CHAT: variants seen among roughly 807,000 people sequenced by gnomAD.
The protein encoded by CHAT is choline O-acetyltransferase.
A neutral mutation model predicts 76.9 loss-of-function variants in CHAT; 61 were observed. The observed-to-expected ratio is 0.79, with a 90% CI of 0.65 to 0.98. The LOEUF (loss-of-function observed/expected upper bound fraction) is 0.98, where lower values mean the gene tolerates loss of function less well. Among genes scored for constraint, CHAT ranks in the 50% least tolerant of loss-of-function variants. The pLI is 0.00. For synonymous variants in CHAT, 407 were observed against 397.4 expected (o/e 1.02, Z -0.29); for missense variants, 946 against 986.9 (o/e 0.96, Z 0.56).
In CHAT at chr10:49,648,624, G is replaced by A. The variant is rs1839761588; in HGVS notation, c.1382+17G>A. Reference sequence around the variant, plus strand: ...CAAGCACGTGTGAGTCTGGATCCCAGGGCTGCCATGCTGGGCCCAAAAAAA... The same window carrying A: ...CAAGCACGTGTGAGTCTGGATCCCAAGGCTGCCATGCTGGGCCCAAAAAAA... On this transcript the variant is annotated intron_variant, in intron 9 of 14. Coordinates refer to ENST00000337653, the MANE Select transcript of CHAT (RefSeq NM_020549.5). 6.3e-7 allele frequency: 1 copy of A among 1,578,222 alleles called. No individual in the cohort carries two copies. Among genetic ancestry groups the A allele is most frequent in the South Asian group, 1.1e-5 (1 of 89,476 alleles).
At chr10:49,632,342 C>G (rs1025172603) in intron 7 of CHAT, among the ~76,000 whole-genome samples, 1 of 152,066 alleles carries the variant, frequency 6.6e-6, no homozygotes, top group Non-Finnish European at 1.5e-5. Context: ...AGCCAGGGAG[C>G]CCCCAGGGTG....
At position 49,614,383 on chromosome 10, in the gene CHAT, C is replaced by A; in HGVS notation, c.194C>A (p.Thr65Lys). 6.5e-7 allele frequency: 1 copy of A among 1,544,350 alleles called. No homozygotes were observed. ...PGCSPHPRAA[T>K]RPPPLPAHTP... ...TGCAGCCCCCACCCCCGCGCTGCGA[C>A]ACGCCCCCCACCCCTTCCGGCTCAC... Residue 65 changes from threonine to lysine, a missense_variant, in exon 1 of 15, where the codon ACA becomes AAA. By Grantham distance (78) the Thr-to-Lys change is moderately conservative (BLOSUM62 -1). This residue lies in a region of CHAT where 548 missense variants were observed against 516.2 expected (regional missense o/e 1.06). Transcript: ENST00000337653.
chr10:49,644,258 A>T (rs1182005877), intron 7 of CHAT, among the ~76,000 whole-genome samples: 1 of 152,194 alleles, frequency 6.6e-6, no homozygotes, highest in Non-Finnish European at 1.5e-5. Context: ...AGGGAGGGGC[A>T]GGAGGTTGTC....
upstream of CHAT, chr10:49,611,619 G>C (rs756271514): frequency 1.2e-6 from 2 of 1,611,506 alleles, no homozygotes; most frequent in East Asian, 4.5e-5. Context: ...ACATTGCCGT[G>C]GTGGCCGGCG....
rs1564477302 is a variant in CHAT at position 49,627,758 on chromosome 10, G to T, written c.1084G>T (p.Ala362Ser). The T allele has an allele frequency of 1.9e-6, 3 of 1,613,948 alleles. No homozygotes were observed. The highest frequency in any genetic ancestry group is 4.5e-5 in the East Asian group (2 of 44,884). The change falls in exon 7 of 15, where the codon GCC becomes TCC. Residue 362 changes from alanine to serine, a missense_variant. This residue lies in a region of CHAT where 548 missense variants were observed against 516.2 expected (regional missense o/e 1.06). Transcript: ENST00000337653. The part of the protein sequence containing the change: ...LLTSDGRSEW[A>S]EARTVLVKDS... ...GACGTCTGACGGGAGGAGCGAGTGG[G>T]CCGAGGCCAGGACGGTCCTCGTGAA...
chr10:49,613,605 T>C (rs1200598940), upstream of CHAT, among the ~76,000 whole-genome samples: 1 of 152,084 alleles, frequency 6.6e-6, no homozygotes, highest in Non-Finnish European at 1.5e-5. Context: ...GATCTGCGAG[T>C]CGGGCTGTGT....
At chr10:49,657,924 C>T (rs769503192) in intron 13 of CHAT, among the ~76,000 whole-genome samples, 9 of 152,152 alleles carry the variant, frequency 5.9e-5, no homozygotes, top group Admixed American at 2.0e-4. Flanking sequence ...ACAGTGAAGC[C>T]CCCAGGTTAA....
rs1414361009 is a variant in CHAT at position 49,625,519 on chromosome 10, C to A, written c.799C>A (p.Pro267Thr). 6.2e-7 allele frequency: 1 copy of A among 1,613,326 alleles called. No homozygotes were observed. Among genetic ancestry groups the A allele is most frequent in the Non-Finnish European group, 8.5e-7 (1 of 1,180,034 alleles). Residue 267 changes from proline (P) to threonine (T), a missense_variant, in exon 6 of 15, where the codon CCC becomes ACC. Around this residue, in one of 3 missense-constraint regions of CHAT, gnomAD observed 548 missense variants for 516.2 expected, o/e 1.06. Coordinates refer to ENST00000337653, the MANE Select transcript of CHAT (RefSeq NM_020549.5). ...DCAKGQLSGQPLCMKQYYGLF... is the reference protein window; with the variant it reads ...DCAKGQLSGQTLCMKQYYGLF... Reference sequence around the variant, plus strand: ...TGCCAAAGGCCAGCTGTCAGGGCAGCCCCTTTGCATGAAGCAATACTATGG... The same window carrying A: ...TGCCAAAGGCCAGCTGTCAGGGCAGACCCTTTGCATGAAGCAATACTATGG...
At chr10:49,633,366 G>C (rs974406056) in intron 7 of CHAT, among the ~76,000 whole-genome samples, 7 of 152,074 alleles carry the variant, frequency 4.6e-5, no homozygotes, top group African/African-American at 1.7e-4. Context: ...TCTTTCCTGG[G>C]CACCTTCTGT....
At chr10:49,642,164 A>T (rs1839503223) in intron 7 of CHAT, among the ~76,000 whole-genome samples, 1 of 152,106 alleles carries the variant, frequency 6.6e-6, no homozygotes, top group South Asian at 2.1e-4. Context: ...AGGAGCCTCG[A>T]TGTGCTCGAT....
At chr10:49,659,436 C>T (rs75299583) in intron 13 of CHAT, among the ~76,000 whole-genome samples, 2,900 of 152,038 alleles carry the variant, frequency 0.019, 95 homozygotes, top group African/African-American at 0.065. Flanking sequence ...GAGGGGTGCC[C>T]GCAGGATGAC....
intron 6 of CHAT, among the ~76,000 whole-genome samples, chr10:49,627,079 T>A (rs1383448787): frequency 6.6e-6 from 1 of 152,226 alleles, no homozygotes; most frequent in Non-Finnish European, 1.5e-5. Context: ...AATGGCTGGG[T>A]AGACATGCCC....
intron 1 of CHAT, among the ~76,000 whole-genome samples, chr10:49,615,116 C>T (rs1029562827): frequency 6.8e-6 from 1 of 148,070 alleles, no homozygotes; most frequent in African/African-American, 2.5e-5. Flanking sequence ...CTGCCTTCTT[C>T]AAGCTCAGGG....
chr10:49,621,478 G>A (rs1169864529), intron 4 of CHAT, among the ~76,000 whole-genome samples: 1 of 152,158 alleles, frequency 6.6e-6, no homozygotes, highest in Non-Finnish European at 1.5e-5. Flanking sequence ...CCAGAATCCT[G>A]GTATGACAGT....
chr10:49,631,363 G>A (rs1257467301), intron 7 of CHAT, among the ~76,000 whole-genome samples: 1 of 152,164 alleles, frequency 6.6e-6, no homozygotes, highest in African/African-American at 2.4e-5. Flanking sequence ...GTGCGTATCT[G>A]CATCCTAATC....
chr10:49,636,968 T>G (rs1302829117), intron 7 of CHAT, among the ~76,000 whole-genome samples: 1 of 152,188 alleles, frequency 6.6e-6, no homozygotes, highest in Non-Finnish European at 1.5e-5. Flanking sequence ...TTATTATACT[T>G]TTGATGTCTG....
intron 13 of CHAT, 40 bp from the exon 14 acceptor site, chr10:49,662,604 GC>G: frequency 6.2e-7 from 1 of 1,612,628 alleles, no homozygotes; most frequent in Non-Finnish European, 8.5e-7. Flanking sequence ...GGTGCAGGAG[GC>G]CCACTTCTCA....
intron 10 of CHAT, among the ~76,000 whole-genome samples, chr10:49,651,565 T>A (rs1347783651): frequency 1.3e-5 from 2 of 152,156 alleles, no homozygotes; most frequent in Admixed American, 1.3e-4. Context: ...ATCCCGGGCA[T>A]GTCACCTGTG....
At chr10:49,616,102 T>G in intron 1 of CHAT, 15 of 1,611,088 alleles carry the variant, frequency 9.3e-6, no homozygotes, top group Non-Finnish European at 1.3e-5. Flanking sequence ...GGTATGGTCT[T>G]ACCCTTGAGA....
Sources: allele counts gnomAD v4.1 joint callset (sites outside exome capture counted in the v4.1 genomes callset), GRCh38; gene constraint gnomAD v4.1.1; regional missense constraint gnomAD v4.1.1; transcripts MANE v1.5; gene names NCBI Gene and HGNC (gene_info 2026-07-23, HGNC 2026-07-21).